Variants in ATL1 observed in about 807,000 individuals in gnomAD.
ATL1 encodes the protein atlastin GTPase 1.
A neutral mutation model predicts 75.5 loss-of-function variants in ATL1; 31 were observed. That is an observed-to-expected ratio of 0.41 (90% CI 0.31 to 0.55). ATL1 has a LOEUF of 0.55. ATL1 is among the 20% of genes least tolerant of loss of function. The pLI is 0.27. For missense variants in ATL1, 405 were observed against 662.6 expected (o/e 0.61, Z 4.27); for synonymous variants, 226 against 233.3 (o/e 0.97, Z 0.28).
In ATL1 at chr14:50,606,275, C is replaced by T. The variant is rs147144420; in HGVS notation, c.631-6984C>T. 4.6e-3 allele frequency among the ~76,000 whole-genome samples: 701 copies of T among 151,996 alleles called. 2 individuals carry two copies. Among genetic ancestry groups the T allele is most frequent in the Non-Finnish European group, 7.3e-3 (493 of 67,920 alleles). The stretch of plus-strand genomic sequence containing the variant: ...TGTTTATTCTTACATGTCCAAAGTT[C>T]ACCATAATGGCCACAGTTATTCTCA... On this transcript the variant is annotated intron_variant, in intron 6 of 13. Coordinates refer to ENST00000358385, the MANE Select transcript of ATL1 (RefSeq NM_015915.5).
intron 1 of ATL1, among the ~76,000 whole-genome samples, chr14:50,582,586 TG>T (rs2039066593): frequency 1.7e-5 from 1 of 60,602 alleles, no homozygotes; most frequent in African/African-American, 1.3e-4. Flanking sequence ...ATTTTTGTGT[TG>T]TTGTTTTTTT....
chr14:50,592,947 T>C (rs1305388988), intron 4 of ATL1, among the ~76,000 whole-genome samples: 1 of 78,486 alleles, frequency 1.3e-5, no homozygotes, highest in African/African-American at 5.0e-5. Flanking sequence ...TATATATATA[T>C]GTGTGTGTGT....
intron 1 of ATL1, 94 bp downstream of exon 1, chr14:50,560,393 A>G (rs2038822422): frequency 1.3e-6 from 2 of 1,496,886 alleles, no homozygotes; most frequent in Non-Finnish European, 9.1e-7. Context: ...AAGGGCTGCT[A>G]GGTGCCTGCG....
intron 1 of ATL1, among the ~76,000 whole-genome samples, chr14:50,576,596 G>A (rs2039008299): frequency 6.6e-6 from 1 of 152,178 alleles, no homozygotes; most frequent in Non-Finnish European, 1.5e-5. Flanking sequence ...AAATTTTAGA[G>A]ACAGGGTCTC....
At chr14:50,617,187 A>T (rs1166489601) in intron 8 of ATL1, among the ~76,000 whole-genome samples, 3 of 152,222 alleles carry the variant, frequency 2.0e-5, no homozygotes, top group Non-Finnish European at 4.4e-5. Flanking sequence ...GTGTTATTAA[A>T]AACTGATAAT....
At chr14:50,557,533 C>A (rs1344820724), upstream of ATL1, among the ~76,000 whole-genome samples, 2 of 152,192 alleles carry the variant, frequency 1.3e-5, no homozygotes, top group Non-Finnish European at 2.9e-5. Flanking sequence ...TTCTTTTTCA[C>A]ACCTACATAA....
At chr14:50,552,845 T>G (rs2038719732) in intron 1 of ATL1, among the ~76,000 whole-genome samples, 1 of 152,134 alleles carries the variant, frequency 6.6e-6, no homozygotes, top group Non-Finnish European at 1.5e-5. Flanking sequence ...TCTCTCACCT[T>G]ATAGAAAAAT....
intron 3 of ATL1, 39 bp from the exon 4 acceptor site, chr14:50,591,496 T>A: frequency 7.4e-7 from 1 of 1,356,434 alleles, no homozygotes; most frequent in Non-Finnish European, 1.1e-6. Flanking sequence ...GACCTAGATG[T>A]TCTATAAAAT....
intron 8 of ATL1, among the ~76,000 whole-genome samples, chr14:50,618,934 A>G (rs561414648): frequency 2.0e-5 from 3 of 152,002 alleles, no homozygotes; most frequent in Admixed American, 6.6e-5. Flanking sequence ...TCTGTCGCAC[A>G]GGCTGGAGTG....
At chr14:50,561,121 G>T (rs1166562947) in intron 1 of ATL1, 1 of 152,306 alleles carries the variant, frequency 6.6e-6, no homozygotes, top group Admixed American at 6.5e-5. Context: ...TGTTCACACC[G>T]CGAGTGGGTG....
intron 6 of ATL1, among the ~76,000 whole-genome samples, chr14:50,602,925 G>C (rs1301213204): frequency 1.3e-5 from 2 of 152,040 alleles, no homozygotes; most frequent in Non-Finnish European, 2.9e-5. Flanking sequence ...TTTAGACCAG[G>C]GAATCTGCAC....
Position 50,541,519 on chromosome 14 carries a change from C to T in ATL1, c.-140+8152C>T, listed in dbSNP as rs183240986. On this transcript the variant is annotated intron_variant, in intron 1 of 13. Coordinates refer to the ATL1 transcript ENST00000441560. ...TTGAGACAATGTACTGCATTTGCTA[C>T]TCTTTGACCCATGTAACCTGTATGA... 2.6e-5 allele frequency among the ~76,000 whole-genome samples: 4 copies of T among 152,278 alleles called. No homozygotes were observed. In the East Asian group the frequency reaches 7.7e-4, roughly 29 times the overall value.
At chr14:50,628,600 G>T (rs993272785) in intron 12 of ATL1, 138 bp downstream of exon 12, 1 of 833,048 alleles carries the variant, frequency 1.2e-6, no homozygotes, top group South Asian at 1.4e-5. Flanking sequence ...GACCTGCCCA[G>T]ATACAAGCAA....
chr14:50,612,834 C>A (rs188701738), intron 6 of ATL1, among the ~76,000 whole-genome samples: 7 of 152,150 alleles, frequency 4.6e-5, no homozygotes, highest in Admixed American at 2.6e-4. Context: ...ACATACATAT[C>A]ATTTCTATAA....
chr14:50,553,046 G>A (rs1183651270), intron 1 of ATL1, among the ~76,000 whole-genome samples: 2 of 152,138 alleles, frequency 1.3e-5, no homozygotes, highest in Admixed American at 6.5e-5. Flanking sequence ...TGTAATCTCA[G>A]CACTTTGGGA....
chr14:50,615,386 C>G (rs1408796859), intron 8 of ATL1, among the ~76,000 whole-genome samples: 1 of 152,142 alleles, frequency 6.6e-6, no homozygotes, highest in East Asian at 1.9e-4. Context: ...TTTAAAATTA[C>G]TTTAAAGAAA....
intron 2 of ATL1, among the ~76,000 whole-genome samples, chr14:50,589,161 T>TC (rs1451676770): frequency 1.4e-5 from 2 of 148,042 alleles, no homozygotes; most frequent in South Asian, 2.2e-4. Flanking sequence ...CTTTCTTTTT[T>TC]TTTTTTTTTT....
At chr14:50,627,878 AG>A (rs1394200398) in intron 11 of ATL1, among the ~76,000 whole-genome samples, 152 bp from the exon 12 acceptor site, 1 of 152,192 alleles carries the variant, frequency 6.6e-6, no homozygotes, top group Non-Finnish European at 1.5e-5. Flanking sequence ...CCTCGTGGAT[AG>A]GGGGTGGAAA....
chr14:50,555,966 G>C (rs1424856759), upstream of ATL1, among the ~76,000 whole-genome samples: 1 of 152,176 alleles, frequency 6.6e-6, no homozygotes, highest in Non-Finnish European at 1.5e-5. Context: ...GGAGGAAAAT[G>C]AGCATGGTGA....
Sources: allele counts gnomAD v4.1 joint callset (sites outside exome capture counted in the v4.1 genomes callset), GRCh38; gene constraint gnomAD v4.1.1; transcripts MANE v1.5; gene names NCBI Gene and HGNC (gene_info 2026-07-23, HGNC 2026-07-21).